SPRYD7: variants seen among roughly 807,000 people sequenced by gnomAD.
The protein encoded by SPRYD7 is SPRY domain-containing protein 7.
In SPRYD7, 14 loss-of-function variants were observed where a neutral mutation model predicts 23.8. The observed-to-expected ratio is 0.59, with a 90% CI of 0.39 to 0.92. SPRYD7 has a LOEUF of 0.92. Ranked by LOEUF, SPRYD7 falls within the 40% of genes least tolerant of loss-of-function variation. The probability of loss-of-function intolerance (pLI) is 0.00; values close to 1 mark genes in which losing one functional copy is unlikely to be tolerated. For synonymous variants in SPRYD7, 75 were observed against 84.9 expected (o/e 0.88, Z 0.64); for missense variants, 194 against 241.7 (o/e 0.80, Z 1.31).
Position 49,936,265 on chromosome 13 carries a change from C to G in SPRYD7, c.-30G>C, listed in dbSNP as rs1063181. On this transcript the variant is annotated 5_prime_UTR_variant, in exon 1 of 5. Coordinates refer to ENST00000361840, the MANE Select transcript of SPRYD7 (RefSeq NM_020456.4). ...CAGGGACCACCGACTCCGCCGCCGT[C>G]CCTAGACCGAGGCGACACTGCCCCC... The G allele has an allele frequency of 0.13, 198,066 of 1,543,490 alleles. 13,275 individuals carry two copies. The highest frequency in any genetic ancestry group is 0.14 in the Middle Eastern group (805 of 5,608).
chr13:49,933,257 C>T (rs889575060), intron 1 of SPRYD7, among the ~76,000 whole-genome samples: 3 of 152,098 alleles, frequency 2.0e-5, no homozygotes, highest in African/African-American at 7.2e-5. Flanking sequence ...TGCTACATGA[C>T]CTAATCAACT....
At chr13:49,931,157 A>C (rs74488541) in intron 1 of SPRYD7, 23 bp from the exon 2 acceptor site, 79 of 1,425,762 alleles carry the variant, frequency 5.5e-5, no homozygotes, top group Non-Finnish European at 7.6e-5. Context: ...TGCAGACACT[A>C]TGTAAAGTTT....
intron 2 of SPRYD7, among the ~76,000 whole-genome samples, chr13:49,930,585 A>G (rs1438989523): frequency 6.6e-6 from 1 of 152,142 alleles, no homozygotes; most frequent in African/African-American, 2.4e-5. Flanking sequence ...CATCTCAAAA[A>G]AGAAAAAAAA....
At chr13:49,918,166 G>T (rs1955773381) in intron 4 of SPRYD7, among the ~76,000 whole-genome samples, 1 of 152,056 alleles carries the variant, frequency 6.6e-6, no homozygotes, top group Non-Finnish European at 1.5e-5. Context: ...CGGCTCAAGA[G>T]ATCCTCTCAG....
chr13:49,917,649 A>G (rs539646177), intron 4 of SPRYD7, among the ~76,000 whole-genome samples: 1 of 152,354 alleles, frequency 6.6e-6, no homozygotes, highest in Admixed American at 6.5e-5. Context: ...CTATAACCTT[A>G]GTACATTACA....
rs1008146047 is a variant in SPRYD7 at position 49,913,689 on chromosome 13, A to G, written c.*1374T>C. 1 of 151,082 alleles carries G rather than the reference A, an allele frequency of 6.6e-6. No homozygotes were observed. Among genetic ancestry groups the G allele is most frequent in the Admixed American group, 6.6e-5 (1 of 15,178 alleles). 9.4% of individuals were successfully genotyped at this position (151,082 alleles called of 1,614,324 possible). On this transcript the variant is annotated 3_prime_UTR_variant, in exon 5 of 5. Coordinates refer to ENST00000361840, the MANE Select transcript of SPRYD7 (RefSeq NM_020456.4). ...AGGCGCCCGCCACCACACCTGGCTA[A>G]TTTTTTTTGTATTTTTTTAGTAGAG... is the stretch of plus-strand genomic sequence containing the variant.
In SPRYD7 at chr13:49,914,516, A is replaced by T. The variant is rs531311281; in HGVS notation, c.*547T>A. 5.2e-5 allele frequency: 8 copies of T among 152,492 alleles called. No individual in the cohort carries two copies. Among genetic ancestry groups the T allele is most frequent in the African/African-American group, 1.4e-4 (6 of 41,582 alleles). The allele number at this position is 152,492 out of a possible 1,614,324, so 9.4% of individuals were successfully genotyped here. A position where few individuals can be genotyped will look rare whatever the true frequency, so the allele number is the denominator to read the frequency against. On this transcript the variant is annotated 3_prime_UTR_variant, in exon 5 of 5. Transcript: ENST00000361840. ...CACAAAGCAAATCAAAAGCAATGAC[A>T]TTACACAACAAAATAAGCAATTTAA...
chr13:49,925,849 C>T (rs564259865), intron 3 of SPRYD7, among the ~76,000 whole-genome samples: 158 of 151,470 alleles, frequency 1.0e-3, no homozygotes, highest in Non-Finnish European at 2.0e-3. Flanking sequence ...TGAGCATAAA[C>T]TGTTTCATGT....
In SPRYD7 at chr13:49,926,325, C is replaced by T. The variant is rs182778059; in HGVS notation, c.390+1594G>A. On this transcript the variant is annotated intron_variant, in intron 3 of 4. Coordinates refer to ENST00000361840, the MANE Select transcript of SPRYD7 (RefSeq NM_020456.4). The stretch of plus-strand genomic sequence containing the variant: ...GTTTCAGTTCATCAACAAAGAAAAA[C>T]ATTTGTTACTGATTATCCTTTCTTA... 4.6e-5 allele frequency among the ~76,000 whole-genome samples: 7 copies of T among 152,274 alleles called. No individual in the cohort carries two copies. In the East Asian group the frequency reaches 1.2e-3, roughly 25 times the overall value.
chr13:49,934,986 A>G (rs182886008), intron 1 of SPRYD7, among the ~76,000 whole-genome samples: 72 of 152,378 alleles, frequency 4.7e-4, no homozygotes, highest in African/African-American at 1.7e-3. Context: ...ATCGTCTATA[A>G]ATAATGATGG....
intron 2 of SPRYD7, among the ~76,000 whole-genome samples, chr13:49,930,090 A>C (rs7338055): frequency 0.21 from 31,383 of 152,076 alleles, 3,929 homozygotes; most frequent in East Asian, 0.34. Flanking sequence ...ATGCCCGATC[A>C]CTTTACAGTA....
chr13:49,921,898 G>C (rs1017008661), intron 3 of SPRYD7, among the ~76,000 whole-genome samples: 1 of 152,260 alleles, frequency 6.6e-6, no homozygotes, highest in South Asian at 2.1e-4. Flanking sequence ...ACCATGAATA[G>C]AGAAACCTTT....
chr13:49,917,395 G>A (rs750272094), intron 4 of SPRYD7, among the ~76,000 whole-genome samples: 6 of 152,156 alleles, frequency 3.9e-5, no homozygotes, highest in Admixed American at 2.0e-4. Flanking sequence ...GAGCTACTGC[G>A]CCCAGCCAGG....
chr13:49,924,691 C>T (rs1041420654), intron 3 of SPRYD7, among the ~76,000 whole-genome samples: 8 of 151,670 alleles, frequency 5.3e-5, no homozygotes, highest in Non-Finnish European at 7.4e-5. Flanking sequence ...ATACTACTAC[C>T]GTACGGGCGT....
At chr13:49,923,849 C>T (rs1395391698) in intron 3 of SPRYD7, among the ~76,000 whole-genome samples, 1 of 152,064 alleles carries the variant, frequency 6.6e-6, no homozygotes, top group Non-Finnish European at 1.5e-5. Flanking sequence ...GGGTTTGATT[C>T]TGCCAAAATG....
chr13:49,915,196 G>A (rs755291538), intron 4 of SPRYD7, 36 bp from the exon 5 acceptor site: 2 of 993,518 alleles, frequency 2.0e-6, no homozygotes, highest in South Asian at 1.7e-5. Context: ...TAAATTAGAA[G>A]CAAATACTTT....
Sources: gnomAD v4.1 joint callset for allele counts (sites outside exome capture counted in the v4.1 genomes callset) on GRCh38, gnomAD v4.1.1 for gene constraint, MANE v1.5 for transcripts, NCBI Gene and HGNC (gene_info 2026-07-23, HGNC 2026-07-21) for gene names.